The following SLC16A12 variants were observed in gnomAD, a reference collection of about 807,000 sequenced individuals.
The protein encoded by SLC16A12 is solute carrier family 16 member 12, also known as monocarboxylate transporter 12.
Under a neutral mutation model 42.4 loss-of-function variants are expected in SLC16A12, and 17 were observed. The ratio of observed to expected loss-of-function variants is 0.40; its 90% CI spans 0.27 to 0.60. SLC16A12 has a LOEUF of 0.60. Ranked by LOEUF, SLC16A12 falls within the 20% of genes least tolerant of loss-of-function variation. The probability of loss-of-function intolerance (pLI) is 0.42; values close to 1 mark genes in which losing one functional copy is unlikely to be tolerated. For synonymous variants in SLC16A12, 224 were observed against 229.4 expected (o/e 0.98, Z 0.21); for missense variants, 544 against 623.0 (o/e 0.87, Z 1.35).
upstream of SLC16A12, among the ~76,000 whole-genome samples, chr10:89,537,866 T>C (rs920788135): frequency 5.9e-5 from 9 of 152,250 alleles, no homozygotes; most frequent in Non-Finnish European, 1.0e-4. Flanking sequence ...TTCAATGCTG[T>C]GTCACTGATG....
chr10:89,476,926 G>A (rs553492045), intron 2 of SLC16A12, among the ~76,000 whole-genome samples: 1 of 152,360 alleles, frequency 6.6e-6, no homozygotes, highest in African/African-American at 2.4e-5. Context: ...CCACAGGCCT[G>A]TAGAGATGTT....
intron 2 of SLC16A12, among the ~76,000 whole-genome samples, chr10:89,507,006 G>A (rs1843073330): frequency 6.6e-6 from 1 of 151,936 alleles, no homozygotes; most frequent in South Asian, 2.1e-4. Context: ...ATGAAATAAA[G>A]CAAGAAGACA....
At chr10:89,527,837 A>G (rs1024810783) in intron 2 of SLC16A12, among the ~76,000 whole-genome samples, 1 of 149,768 alleles carries the variant, frequency 6.7e-6, no homozygotes, top group East Asian at 2.0e-4. Context: ...GAGAGAAAAG[A>G]AAAAAAGAGG....
At chr10:89,490,613 G>T (rs80219855) in intron 2 of SLC16A12, among the ~76,000 whole-genome samples, 3 of 152,142 alleles carry the variant, frequency 2.0e-5, no homozygotes, top group Admixed American at 6.6e-5. Flanking sequence ...GGTATGGGGG[G>T]CCGGGATTGG....
intron 4 of SLC16A12, among the ~76,000 whole-genome samples, chr10:89,443,133 C>T (rs773147522): frequency 2.8e-4 from 43 of 152,154 alleles, no homozygotes; most frequent in African/African-American, 3.9e-4. Flanking sequence ...ATAACACTTT[C>T]GGAGTTCCTT....
intron 2 of SLC16A12, among the ~76,000 whole-genome samples, chr10:89,529,855 C>T (rs1344362418): frequency 6.6e-6 from 1 of 152,116 alleles, no homozygotes; most frequent in Non-Finnish European, 1.5e-5. Context: ...GCCTCCTTTA[C>T]AGTCTTAAGT....
chr10:89,468,355 C>T (rs2133761898), intron 2 of SLC16A12, among the ~76,000 whole-genome samples: 1 of 152,332 alleles, frequency 6.6e-6, no homozygotes, highest in South Asian at 2.1e-4. Context: ...CTATCTTTCT[C>T]TCTTTCTCAA....
intron 2 of SLC16A12, among the ~76,000 whole-genome samples, chr10:89,472,941 C>A (rs1842523814): frequency 6.6e-6 from 1 of 151,962 alleles, no homozygotes; most frequent in African/African-American, 2.4e-5. Context: ...CCTCGGCAAC[C>A]CAAACAGCTG....
At chr10:89,538,407 T>G (rs1014204948), upstream of SLC16A12, among the ~76,000 whole-genome samples, 62 of 152,350 alleles carry the variant, frequency 4.1e-4, no homozygotes, top group African/African-American at 1.3e-3. Flanking sequence ...TGTTTTGCTT[T>G]TTTCTTTTTT....
upstream of SLC16A12, among the ~76,000 whole-genome samples, chr10:89,540,337 G>A (rs945477054): frequency 6.6e-5 from 10 of 152,004 alleles, no homozygotes; most frequent in African/African-American, 1.9e-4. Context: ...GGGCTCAAGC[G>A]ATCCTCCCGC....
intron 2 of SLC16A12, among the ~76,000 whole-genome samples, chr10:89,530,344 T>C (rs1038051007): frequency 6.6e-6 from 1 of 152,206 alleles, no homozygotes; most frequent in Non-Finnish European, 1.5e-5. Flanking sequence ...TTTATAGTCC[T>C]TTTATAAATT....
Position 89,439,140 on chromosome 10 carries a change from A to T in SLC16A12, c.492T>A (p.Val164=), listed in dbSNP as rs1254109655. The T allele has an allele frequency of 1.2e-6, 2 of 1,614,128 alleles. No homozygotes were observed. The highest frequency in any genetic ancestry group is 1.7e-6 in the Non-Finnish European group (2 of 1,180,000). Residue 164 remains valine (V), a synonymous_variant, in exon 6 of 8, where the codon GTT becomes GTA. Transcript: ENST00000371790. ...CTTTCCGTCTGCTGAAGTACTTGCC[A>T]ACCATGGCAATAGCTGGAGAGTAAC... ...ALCYSPAIAM[V]GKYFSRRKAL...
Position 89,436,333 on chromosome 10 carries a change from G to T in SLC16A12, c.1029-14C>A, listed in dbSNP as rs1841786135. The stretch of plus-strand genomic sequence containing the variant: ...TTCTTCAGACACCTGTAGATTTGAA[G>T]AACAAGAATAAGTGCAGGAGGTACA... On this transcript the variant is annotated splice_polypyrimidine_tract_variant and intron_variant, in intron 6 of 7. Coordinates refer to ENST00000371790, the MANE Select transcript of SLC16A12 (RefSeq NM_213606.4). 5.6e-6 allele frequency: 9 copies of T among 1,613,990 alleles called. No individual in the cohort carries two copies. Among genetic ancestry groups the T allele is most frequent in the South Asian group, 1.1e-5 (1 of 91,060 alleles).
chr10:89,485,588 G>T (rs1272260837), intron 2 of SLC16A12, among the ~76,000 whole-genome samples: 1 of 152,184 alleles, frequency 6.6e-6, no homozygotes, highest in Non-Finnish European at 1.5e-5. Context: ...GATAGGCTTG[G>T]GGGAGAACAA....
chr10:89,503,313 G>A (rs1321265742), intron 2 of SLC16A12, among the ~76,000 whole-genome samples: 1 of 152,096 alleles, frequency 6.6e-6, no homozygotes, highest in African/African-American at 2.4e-5. Flanking sequence ...GATTAAAAAG[G>A]TGGTGACTCA....
At chr10:89,527,490 A>AT (rs1843473084) in intron 2 of SLC16A12, among the ~76,000 whole-genome samples, 1 of 151,764 alleles carries the variant, frequency 6.6e-6, no homozygotes, top group South Asian at 2.1e-4. Flanking sequence ...CTCAAAAAAA[A>AT]AATAATAAAA....
rs758404955 is a variant in SLC16A12 at position 89,439,022 on chromosome 10, G to A, written c.610C>T (p.Arg204Trp). ...CCCCCAAGAATGAGTAAGGCTCCCCGCCAGGAAAACTGTTCAATAAGGAGC... is the reference window on the plus strand; with the variant it reads ...CCCCCAAGAATGAGTAAGGCTCCCCACCAGGAAAACTGTTCAATAAGGAGC... ...VQLLIEQFSW[R>W]GALLILGGFV... The change falls in exon 6 of 8, where the codon CGG (arginine) becomes TGG (tryptophan). Residue 204 changes from arginine to tryptophan, a missense_variant. Arg to Trp is a moderately radical substitution (Grantham distance 101). Coordinates refer to ENST00000371790, the MANE Select transcript of SLC16A12 (RefSeq NM_213606.4). 27 of 1,613,902 alleles carry A rather than the reference G, an allele frequency of 1.7e-5. No individual in the cohort carries two copies. Among genetic ancestry groups the A allele is most frequent in the Admixed American group, 8.3e-5 (5 of 59,990 alleles).
chr10:89,456,121 C>A (rs1178687578), intron 3 of SLC16A12: 4 of 152,204 alleles, frequency 2.6e-5, no homozygotes, highest in African/African-American at 9.6e-5. Flanking sequence ...GGCACTGCAG[C>A]CTAGTGGCTA....
intron 2 of SLC16A12, among the ~76,000 whole-genome samples, chr10:89,531,290 T>A (rs1188989578): frequency 6.6e-6 from 1 of 151,566 alleles, no homozygotes; most frequent in Admixed American, 6.6e-5. Context: ...TCCCAGCTAC[T>A]CAGGAGGCTG....
Sources: gnomAD v4.1 joint callset for allele counts (sites outside exome capture counted in the v4.1 genomes callset) on GRCh38, gnomAD v4.1.1 for gene constraint, MANE v1.5 for transcripts, NCBI Gene and HGNC (gene_info 2026-07-23, HGNC 2026-07-21) for gene names.